The following RANBP17 variants were observed in gnomAD, a reference collection of about 807,000 sequenced individuals.
The protein encoded by RANBP17 is ran-binding protein 17.
RANBP17 carries 158 observed loss-of-function variants against 141.2 expected under a neutral mutation model. The observed-to-expected ratio is 1.12, with a 90% CI of 0.98 to 1.28. The LOEUF (loss-of-function observed/expected upper bound fraction) is 1.28, where lower values mean the gene tolerates loss of function less well. Ranked by LOEUF, RANBP17 falls within the 50% of genes most tolerant of loss-of-function variation. RANBP17 has a pLI of 0.00. For missense variants in RANBP17, 1,438 were observed against 1,290.7 expected, an observed-to-expected ratio of 1.11 and a Z score of -1.75; for synonymous variants, 430 against 450.0, an observed-to-expected ratio of 0.96 and a Z score of 0.56.
intron 14 of RANBP17, among the ~76,000 whole-genome samples, chr5:171,027,802 G>A (rs1781315835): frequency 1.3e-5 from 2 of 152,014 alleles, no homozygotes; most frequent in Admixed American, 1.3e-4. Context: ...TGTAGAACGG[G>A]AATTGGGAAC....
intron 14 of RANBP17, among the ~76,000 whole-genome samples, chr5:171,062,322 G>A (rs189812902): frequency 1.9e-4 from 29 of 152,246 alleles, no homozygotes; most frequent in African/African-American, 7.0e-4. Flanking sequence ...CATGTTTAGT[G>A]CTTCCTTCAG....
At chr5:171,250,741 CAAAG>C (rs1264126036) in intron 24 of RANBP17, among the ~76,000 whole-genome samples, 3 of 152,056 alleles carry the variant, frequency 2.0e-5, no homozygotes, top group South Asian at 2.1e-4. Context: ...GGAAAAAAGA[CAAAG>C]AAGGTCATTA....
At chr5:171,230,740 C>T (rs531195386) in intron 22 of RANBP17, among the ~76,000 whole-genome samples, 8 of 151,792 alleles carry the variant, frequency 5.3e-5, no homozygotes, top group African/African-American at 7.3e-5. Context: ...CCAGCCTGGG[C>T]GACAGAGCAA....
intron 14 of RANBP17, among the ~76,000 whole-genome samples, chr5:170,976,610 T>C (rs1777395290): frequency 6.6e-6 from 1 of 152,160 alleles, no homozygotes; most frequent in Admixed American, 6.5e-5. Flanking sequence ...AAGTTGTTAC[T>C]TACAATAATA....
chr5:171,191,893 G>T (rs1761676426), intron 18 of RANBP17, among the ~76,000 whole-genome samples: 2 of 152,042 alleles, frequency 1.3e-5, no homozygotes, highest in African/African-American at 2.4e-5. Flanking sequence ...TGATTGATTT[G>T]GGGCTTGGGG....
Position 170,918,846 on chromosome 5 carries a change from T to C in RANBP17, c.1088T>C (p.Ile363Thr). The change falls in exon 10 of 28, where the codon ATT becomes ACT. Residue 363 changes from isoleucine to threonine, a missense_variant. By Grantham distance (89) the Ile-to-Thr change is moderately conservative (BLOSUM62 -1). Transcript: ENST00000523189. Reference sequence around the variant, plus strand: ...ATTAGATTGATTGCTAATTTTACCATTACTAGCCTACAGGTAGGTAAAAAT... The same window carrying C: ...ATTAGATTGATTGCTAATTTTACCACTACTAGCCTACAGGTAGGTAAAAAT... ...EVIRLIANFT[I>T]TSLQHWEFAP... 1 of 1,579,472 alleles carries C rather than the reference T, an allele frequency of 6.3e-7. No individual in the cohort carries two copies. The highest frequency in any genetic ancestry group is 8.6e-7 in the Non-Finnish European group (1 of 1,160,544).
intron 22 of RANBP17, among the ~76,000 whole-genome samples, chr5:171,238,241 A>G (rs1764660008): frequency 1.3e-5 from 2 of 152,210 alleles, no homozygotes; most frequent in Non-Finnish European, 1.5e-5. Flanking sequence ...GCTCAAGGTC[A>G]TCACCAAGGT....
At chr5:171,130,021 A>T (rs1367986858) in intron 14 of RANBP17, among the ~76,000 whole-genome samples, 1 of 152,072 alleles carries the variant, frequency 6.6e-6, no homozygotes, top group African/African-American at 2.4e-5. Flanking sequence ...TCAGGGCTCT[A>T]CTTTTTAAAA....
chr5:170,894,449 AT>A, intron 4 of RANBP17, among the ~76,000 whole-genome samples: 1 of 145,594 alleles, frequency 6.9e-6, no homozygotes, highest in Non-Finnish European at 1.5e-5. Context: ...AGTTTATTAT[AT>A]AATAGTATCA....
chr5:171,198,725 C>G (rs1762124197), intron 18 of RANBP17, among the ~76,000 whole-genome samples: 1 of 152,160 alleles, frequency 6.6e-6, no homozygotes, highest in African/African-American at 2.4e-5. Context: ...CATTTCCTCT[C>G]TAATACTCTA....
rs574554647 is a variant in RANBP17 at position 171,173,355 on chromosome 5, A to G, written c.1865+2069A>G. ...AATAGAAACACGCAAGATCAAAACCATCACCTATAGGCCCTTGTTATTGGA... is the reference window on the plus strand; with the variant it reads ...AATAGAAACACGCAAGATCAAAACCGTCACCTATAGGCCCTTGTTATTGGA... On this transcript the variant is annotated intron_variant, in intron 16 of 27. Transcript: ENST00000523189. 7.2e-5 allele frequency among the ~76,000 whole-genome samples: 11 copies of G among 152,226 alleles called. No homozygotes were observed. The East Asian group carries it at 2.1e-3, about 29-fold the overall frequency.
At chr5:171,040,031 G>A (rs1393079399) in intron 14 of RANBP17, among the ~76,000 whole-genome samples, 1 of 151,940 alleles carries the variant, frequency 6.6e-6, no homozygotes, top group East Asian at 1.9e-4. Flanking sequence ...CGTGAAGCCA[G>A]CATCAGCCTG....
chr5:171,291,016 A>G (rs954114199), intron 25 of RANBP17, among the ~76,000 whole-genome samples: 3 of 152,210 alleles, frequency 2.0e-5, no homozygotes, highest in Admixed American at 6.5e-5. Context: ...GACTCGCCCA[A>G]TGTCTCAAGT....
intron 12 of RANBP17, among the ~76,000 whole-genome samples, chr5:170,943,179 T>C (rs1237921567): frequency 6.6e-6 from 1 of 152,164 alleles, no homozygotes; most frequent in Non-Finnish European, 1.5e-5. Context: ...GTATACACTG[T>C]GTGTAGTAGT....
In RANBP17 at chr5:170,950,526, C is replaced by T. The variant is rs573510798; in HGVS notation, c.1469-3071C>T. Among the ~76,000 whole-genome samples, 26 of 151,964 alleles carry T rather than the reference C, an allele frequency of 1.7e-4. 1 individual carries two copies. In the South Asian group the frequency reaches 3.1e-3, roughly 18 times the overall value. ...TCATCAGGGAAATGCAAATCAAAAC[C>T]GCAGTGAGATGCCATCTTACCCCAG... is the stretch of plus-strand genomic sequence containing the variant. On this transcript the variant is annotated intron_variant, in intron 12 of 27. Coordinates refer to ENST00000523189, the MANE Select transcript of RANBP17 (RefSeq NM_022897.5).
At chr5:171,254,017 G>T (rs1038420994) in intron 24 of RANBP17, among the ~76,000 whole-genome samples, 1 of 152,134 alleles carries the variant, frequency 6.6e-6, no homozygotes, top group Non-Finnish European at 1.5e-5. Context: ...GGAGGCCGAG[G>T]CGGGTGGATC....
At chr5:171,098,360 T>G (rs1786855926) in intron 14 of RANBP17, among the ~76,000 whole-genome samples, 1 of 152,202 alleles carries the variant, frequency 6.6e-6, no homozygotes, top group South Asian at 2.1e-4. Flanking sequence ...CTCATTGTGG[T>G]TTTGATTTGA....
chr5:171,268,204 A>G (rs1322750119), intron 25 of RANBP17, among the ~76,000 whole-genome samples: 1 of 152,194 alleles, frequency 6.6e-6, no homozygotes, highest in East Asian at 1.9e-4. Context: ...GAGACAAGTA[A>G]CTCACCAGTT....
intron 22 of RANBP17, among the ~76,000 whole-genome samples, chr5:171,224,742 T>A (rs1452586262): frequency 1.3e-5 from 2 of 152,196 alleles, no homozygotes; most frequent in Non-Finnish European, 2.9e-5. Flanking sequence ...GTAAGGAGTT[T>A]TCTTACACGG....
Sources: gnomAD v4.1 joint callset for allele counts (sites outside exome capture counted in the v4.1 genomes callset) on GRCh38, gnomAD v4.1.1 for gene constraint, MANE v1.5 for transcripts, NCBI Gene and HGNC (gene_info 2026-07-23, HGNC 2026-07-21) for gene names.